The following PABPC1 variants were observed in gnomAD, a reference collection of about 807,000 sequenced individuals.
PABPC1 encodes the protein polyadenylate-binding protein 1.
In PABPC1, 4 loss-of-function variants were observed where a neutral mutation model predicts 74.0. The ratio of observed to expected loss-of-function variants is 0.05; its 90% CI spans 0.03 to 0.12. The LOEUF is 0.12. PABPC1 is among the 10% of genes least tolerant of loss of function. PABPC1 has a pLI of 1.00. For missense variants in PABPC1, 271 were observed against 821.1 expected, an observed-to-expected ratio of 0.33 and a Z score of 8.19; for synonymous variants, 227 against 264.1, an observed-to-expected ratio of 0.86 and a Z score of 1.36.
Position 100,706,645 on chromosome 8 carries a change from C to A in PABPC1, c.1602+6G>T, listed in dbSNP as rs1312265536. 2 of 1,471,214 alleles carry A rather than the reference C, an allele frequency of 1.4e-6. No individual in the cohort carries two copies. Among genetic ancestry groups the A allele is most frequent in the African/African-American group, 1.5e-5 (1 of 67,140 alleles). 91.1% of individuals were successfully genotyped at this position (1,471,214 alleles called of 1,614,324 possible). A position where few individuals can be genotyped will look rare whatever the true frequency, so the allele number is the denominator to read the frequency against. On this transcript the variant is annotated splice_donor_region_variant and intron_variant, in intron 11 of 14. Coordinates refer to ENST00000318607, the MANE Select transcript of PABPC1 (RefSeq NM_002568.4). ...GATTTTTATTAAGAAATCATTAAAT[C>A]CATACCTGTTGCATTGTAACTTGTG...
intron 9 of PABPC1, chr8:100,707,201 T>C: frequency 2.2e-6 from 1 of 461,028 alleles, no homozygotes. Flanking sequence ...CGAGTACTTA[T>C]ATGTAGCGAC....
chr8:100,720,704 T>TA (rs1344698297), intron 1 of PABPC1, among the ~76,000 whole-genome samples: 4 of 152,192 alleles, frequency 2.6e-5, no homozygotes, highest in East Asian at 3.8e-4. Context: ...CTTTTAATGT[T>TA]AGAGAAATGC....
rs1245610904 is a variant in PABPC1 at position 100,706,779 on chromosome 8, G to A, written c.1474C>T (p.Pro492Ser). Residue 492 changes from proline to serine, a missense_variant, in exon 11 of 15, where the codon CCA (proline) becomes TCA (serine). Physicochemically the swap from Pro to Ser is moderately conservative, Grantham distance 74. Transcript: ENST00000318607. Reference protein sequence around the residue: ...VANTSTQTMGPRPAAAAAAAT... With the variant: ...VANTSTQTMGSRPAAAAAAAT... ...GCAGCGGCTGCAGCTGCAGGACGTG[G>A]ACCCATTGTCTGTGTTGATGTGTTA... 6.2e-7 allele frequency: 1 copy of A among 1,614,016 alleles called. No homozygotes were observed. The highest frequency in any genetic ancestry group is 2.2e-5 in the East Asian group (1 of 44,900).
chr8:100,713,053 ACC>A, intron 5 of PABPC1, 32 bp downstream of exon 5: 2 of 1,424,138 alleles, frequency 1.4e-6, no homozygotes, highest in Non-Finnish European at 1.9e-6. Context: ...TCAACTTTGT[ACC>A]CCCTTCTTCC....
rs747680998 is a variant in PABPC1 at position 100,709,750 on chromosome 8, A to C, written c.973-19T>G. On this transcript the variant is annotated intron_variant, in intron 7 of 14. Transcript: ENST00000318607. Reference sequence around the variant, plus strand: ...TCATAACCTATTAAAAAAAAGAAAAAAAAAGTTAACGTAATGGTAGAATGA... The same window carrying C: ...TCATAACCTATTAAAAAAAAGAAAACAAAAGTTAACGTAATGGTAGAATGA... 2.4e-5 allele frequency: 38 copies of C among 1,577,400 alleles called. No individual in the cohort carries two copies. In the African/African-American group the frequency reaches 4.9e-4, roughly 21 times the overall value.
At position 100,706,685 on chromosome 8, in the gene PABPC1, T is replaced by A; in HGVS notation, c.1568A>T (p.His523Leu). 1 of 1,614,144 alleles carries A rather than the reference T, an allele frequency of 6.2e-7. No homozygotes were observed. The highest frequency in any genetic ancestry group is 8.5e-7 in the Non-Finnish European group (1 of 1,179,988). The change falls in exon 11 of 15, where the codon CAT becomes CTT. Residue 523 changes from histidine to leucine, a missense_variant. Physicochemically the swap from His to Leu is moderately conservative, Grantham distance 99 (BLOSUM62 -3). This residue lies in a region of PABPC1 where 103 missense variants were observed against 245.3 expected (regional missense o/e 0.42). Coordinates refer to ENST00000318607, the MANE Select transcript of PABPC1 (RefSeq NM_002568.4). ...TGTAACTTGTGGCTGTGCATTAAGA[T>A]GTTGCTGAGGATTGCGAACTCCTGC... ...YAAGVRNPQQ[H>L]LNAQPQVTMQ...
chr8:100,707,767 G>A (rs1478093493), intron 9 of PABPC1, among the ~76,000 whole-genome samples: 30 of 152,214 alleles, frequency 2.0e-4, no homozygotes, highest in Admixed American at 2.0e-3. Context: ...AAACTCCCCA[G>A]GGGAAAAGCA....
intron 3 of PABPC1, among the ~76,000 whole-genome samples, chr8:100,716,068 A>G (rs1810661026): frequency 6.6e-6 from 1 of 152,234 alleles, no homozygotes; most frequent in South Asian, 2.1e-4. Flanking sequence ...ACAAAATGAC[A>G]CTAAAACTTA....
chr8:100,708,184 G>A (rs1810432014), intron 9 of PABPC1, among the ~76,000 whole-genome samples: 2 of 152,068 alleles, frequency 1.3e-5, no homozygotes. Context: ...CTCTTGCCTT[G>A]GCACCTGGGT....
In PABPC1 at chr8:100,721,620, C is replaced by T. The variant is rs1810834504; in HGVS notation, c.-37G>A. The T allele has an allele frequency of 1.5e-6, 2 of 1,359,014 alleles. No individual in the cohort carries two copies. The highest frequency in any genetic ancestry group is 1.9e-6 in the Non-Finnish European group (2 of 1,028,340). The allele number at this position is 1,359,014 out of a possible 1,614,324, so 84.2% of individuals were successfully genotyped here. On this transcript the variant is annotated 5_prime_UTR_variant, in exon 1 of 15. Transcript: ENST00000318607. The surrounding 1 kb of genome is among the most constrained non-coding windows in gnomAD (Gnocchi z 7.4). Reference sequence around the variant, plus strand: ...TGCCCGCAGGGCCACAGGCCGCGACCTTTCCGTGAGAGGAGGAGAGCGAGT... The same window carrying T: ...TGCCCGCAGGGCCACAGGCCGCGACTTTTCCGTGAGAGGAGGAGAGCGAGT...
At chr8:100,704,579 C>T (rs1267619695) in intron 13 of PABPC1, among the ~76,000 whole-genome samples, 189 bp from the exon 14 acceptor site, 2 of 152,158 alleles carry the variant, frequency 1.3e-5, no homozygotes, top group Non-Finnish European at 2.9e-5. Context: ...AATTATGAAT[C>T]GCTCCCCTGC....
chr8:100,707,221 A>G (rs1022599652), intron 9 of PABPC1: 2 of 396,284 alleles, frequency 5.0e-6, no homozygotes, highest in Non-Finnish European at 9.4e-6. Context: ...CCAGCCCCAC[A>G]GGGTCGGTGG....
intron 3 of PABPC1, among the ~76,000 whole-genome samples, chr8:100,717,288 C>G (rs1356795455): frequency 6.6e-6 from 1 of 152,162 alleles, no homozygotes. Flanking sequence ...GATTTACAGG[C>G]ATGAGCCACC....
rs1306469527 is a variant in PABPC1 at position 100,712,373 on chromosome 8, T to C, written c.961A>G (p.Thr321Ala). The change falls in exon 7 of 15, where the codon ACT (threonine) becomes GCT (alanine). Residue 321 changes from threonine to alanine, a missense_variant. Thr to Ala is a moderately conservative substitution (Grantham distance 58, BLOSUM62 0). Coordinates refer to ENST00000318607, the MANE Select transcript of PABPC1 (RefSeq NM_002568.4). Reference sequence around the variant, plus strand: ...ATATGTTTTCTTACCTTTGCACTAGTGATTGTACCAAATGGAGAAAACTCT... The same window carrying C: ...ATATGTTTTCTTACCTTTGCACTAGCGATTGTACCAAATGGAGAAAACTCT... ...RKEFSPFGTITSAKVMMEGGR... is the reference protein window; with the variant it reads ...RKEFSPFGTIASAKVMMEGGR... 6.3e-7 allele frequency: 1 copy of C among 1,591,882 alleles called. No individual in the cohort carries two copies.
chr8:100,707,415 AGT>A (rs1267778854), intron 9 of PABPC1, among the ~76,000 whole-genome samples: 1 of 152,036 alleles, frequency 6.6e-6, no homozygotes, highest in Non-Finnish European at 1.5e-5. Flanking sequence ...CAGGGTAAAG[AGT>A]GTGAGTCATC....
At chr8:100,716,472 G>A (rs1432161969) in intron 3 of PABPC1, among the ~76,000 whole-genome samples, 2 of 152,272 alleles carry the variant, frequency 1.3e-5, no homozygotes, top group East Asian at 3.9e-4. Flanking sequence ...ATAATACACA[G>A]CAAAGCAGAA....
rs766954060 is a variant in PABPC1, at chr8:100,704,953, G to C, written c.1791C>G (p.Leu597=). Residue 597 remains leucine (L), a synonymous_variant, in exon 13 of 15, where the codon CTC becomes CTG. Transcript: ENST00000318607. ...TAGAACGGAGTGACTCTGGAGACTC[G>C]AGCATATGAAGAAGTTCTGAATTAT... ...EIDNSELLHM[L]ESPESLRSKV... 2 of 1,612,362 alleles carry C rather than the reference G, an allele frequency of 1.2e-6. No individual in the cohort carries two copies. The highest frequency in any genetic ancestry group is 1.3e-5 in the African/African-American group (1 of 74,848).
intron 7 of PABPC1, among the ~76,000 whole-genome samples, chr8:100,710,250 C>T (rs1460867741): frequency 6.6e-6 from 1 of 152,150 alleles, no homozygotes; most frequent in Admixed American, 6.5e-5. Context: ...ATAAAGAACA[C>T]TCAAGAGGAA....
chr8:100,721,458 G>T lies in PABPC1; in HGVS notation c.126C>A (p.Val42=). Residue 42 remains valine (V), a synonymous_variant, in exon 1 of 15, where the codon GTC becomes GTA. Transcript: ENST00000318607. The surrounding 1 kb of genome is among the most constrained non-coding windows in gnomAD (Gnocchi z 7.4). ...AGCGGCGGGTGATCATGTCCCTGCA[G>T]ACCCGGATGGAGAGGATGGGCCCGG... ...SPAGPILSIR[V]CRDMITRRSL... is the part of the protein sequence containing the mutation. 6.2e-7 allele frequency: 1 copy of T among 1,611,202 alleles called. No homozygotes were observed.
Sources: gnomAD v4.1 joint callset for allele counts (sites outside exome capture counted in the v4.1 genomes callset) on GRCh38, gnomAD v4.1.1 for gene constraint, gnomAD v4.1.1 regional missense constraint, Gnocchi (gnomAD v3.1) non-coding constraint, MANE v1.5 for transcripts, NCBI Gene and HGNC (gene_info 2026-07-23, HGNC 2026-07-21) for gene names.